Variants in TMPRSS9 observed in about 807,000 individuals in gnomAD.
TMPRSS9 encodes the protein transmembrane protease serine 9.
In TMPRSS9, 113 loss-of-function variants were observed where a neutral mutation model predicts 111.4. The ratio of observed to expected loss-of-function variants is 1.01; its 90% CI spans 0.87 to 1.19. The LOEUF (loss-of-function observed/expected upper bound fraction) is 1.19. Ranked by LOEUF, TMPRSS9 falls within the 50% of genes most tolerant of loss-of-function variation. The probability of loss-of-function intolerance (pLI) is 0.00; values close to 1 mark genes in which losing one functional copy is unlikely to be tolerated. For missense variants in TMPRSS9, 1,803 were observed against 1,513.1 expected (o/e 1.19, Z -3.18); for synonymous variants, 805 against 659.1 (o/e 1.22, Z -3.39).
chr19:2,396,680 G>A lies in TMPRSS9; in HGVS notation c.270+14G>A, dbSNP rs773021718. 3 of 1,597,106 alleles carry A rather than the reference G, an allele frequency of 1.9e-6. No homozygotes were observed. Among genetic ancestry groups the A allele is most frequent in the Non-Finnish European group, 2.6e-6 (3 of 1,168,310 alleles). On this transcript the variant is annotated intron_variant, in intron 2 of 17. Transcript: ENST00000648592. Reference sequence around the variant, plus strand: ...CTGGAGGCACTGGTGAGGGTGGTCTGTGTTTGGGGGCCAGGGAGGAAGAGC... The same window carrying A: ...CTGGAGGCACTGGTGAGGGTGGTCTATGTTTGGGGGCCAGGGAGGAAGAGC...
chr19:2,392,130 C>T (rs566933196), intron 1 of TMPRSS9, among the ~76,000 whole-genome samples: 2 of 152,148 alleles, frequency 1.3e-5, no homozygotes, highest in South Asian at 2.1e-4. Context: ...AGGAGGATTG[C>T]TTGAGCTCAG....
chr19:2,363,896 C>G (rs999217911), intron 1 of TMPRSS9, among the ~76,000 whole-genome samples: 3 of 151,454 alleles, frequency 2.0e-5, no homozygotes, highest in Non-Finnish European at 2.9e-5. Context: ...ATCTCCTCCT[C>G]TGTAAATGGG....
intron 10 of TMPRSS9, 83 bp from the exon 12 acceptor site, chr19:2,415,587 C>G: frequency 2.3e-6 from 3 of 1,300,252 alleles, no homozygotes; most frequent in Non-Finnish European, 3.1e-6. Flanking sequence ...CTGGCTGCAA[C>G]CGGTGTCCTG....
chr19:2,368,455 G>A (rs183650283), intron 1 of TMPRSS9, among the ~76,000 whole-genome samples: 3 of 152,292 alleles, frequency 2.0e-5, no homozygotes, highest in East Asian at 3.9e-4. Flanking sequence ...GGGGATCGGC[G>A]AGGAGGCCAG....
chr19:2,393,232 T>G (rs183633243), intron 1 of TMPRSS9, among the ~76,000 whole-genome samples: 1 of 152,272 alleles, frequency 6.6e-6, no homozygotes, highest in Non-Finnish European at 1.5e-5. Flanking sequence ...TGCTCACTCG[T>G]TGGGTGTGAG....
intron 14 of TMPRSS9, among the ~76,000 whole-genome samples, chr19:2,423,153 C>T (rs1821979142): frequency 6.6e-6 from 1 of 151,880 alleles, no homozygotes; most frequent in African/African-American, 2.4e-5. Context: ...TGGCAGCTGC[C>T]CTCATGTAGG....
intron 7 of TMPRSS9, among the ~76,000 whole-genome samples, chr19:2,407,413 GTTAC>G: frequency 6.6e-6 from 1 of 151,746 alleles, no homozygotes; most frequent in Admixed American, 6.6e-5. Flanking sequence ...TGTCATCCCA[GTTAC>G]TTGGGAGGCT....
At chr19:2,401,288 A>T (rs1225845302) in intron 4 of TMPRSS9, among the ~76,000 whole-genome samples, 2 of 151,528 alleles carry the variant, frequency 1.3e-5, no homozygotes, top group Non-Finnish European at 2.9e-5. Flanking sequence ...AAAAAAAGTC[A>T]CCTTGACCTT....
intron 7 of TMPRSS9, among the ~76,000 whole-genome samples, chr19:2,406,509 A>G (rs1484921219): frequency 7.2e-6 from 1 of 139,212 alleles, no homozygotes; most frequent in African/African-American, 2.7e-5. Flanking sequence ...TTTTTTTTGT[A>G]TAATTAGTAG....
intron 1 of TMPRSS9, 123 bp from the exon 3 acceptor site, chr19:2,396,416 C>CGGG: frequency 4.9e-6 from 6 of 1,223,610 alleles, no homozygotes; most frequent in Non-Finnish European, 6.6e-6. Flanking sequence ...GACCACCCCA[C>CGGG]TGCGTGTCAG....
chr19:2,384,629 C>G (rs563533409), intron 1 of TMPRSS9, among the ~76,000 whole-genome samples: 3 of 151,600 alleles, frequency 2.0e-5, no homozygotes, highest in East Asian at 2.0e-4. Flanking sequence ...TCCTGGCTAA[C>G]GTGGTGAAAC....
In TMPRSS9 at chr19:2,405,497, C is replaced by T. The variant is rs200206860; in HGVS notation, c.794C>T (p.Ala265Val). Residue 265 changes from alanine to valine, a missense_variant, in exon 7 of 18, where the codon GCC becomes GTC. Transcript: ENST00000648592. ...AACAAGGAGCACTTCTGTGGGGCCG[C>T]CATCATCAACGCCAGGTGGCTGGTG... The T allele has an allele frequency of 1.4e-4, 220 of 1,604,260 alleles. 2 individuals carry two copies. In the East Asian group the frequency reaches 3.6e-3, roughly 26 times the overall value.
intron 15 of TMPRSS9, 122 bp from the exon 17 acceptor site, chr19:2,424,880 G>A (rs972449308): frequency 4.8e-6 from 6 of 1,249,736 alleles, no homozygotes; most frequent in African/African-American, 1.6e-5. Context: ...CAGACCGACA[G>A]CCAGAGACCA....
At chr19:2,364,035 G>C (rs573884233) in intron 1 of TMPRSS9, among the ~76,000 whole-genome samples, 1 of 151,924 alleles carries the variant, frequency 6.6e-6, no homozygotes, top group Non-Finnish European at 1.5e-5. Flanking sequence ...TCAGCCTCCC[G>C]GTAGTCCTGT....
At chr19:2,385,372 C>T (rs1970458245), upstream of TMPRSS9, among the ~76,000 whole-genome samples, 1 of 152,160 alleles carries the variant, frequency 6.6e-6, no homozygotes, top group East Asian at 1.9e-4. Context: ...CAGTTTCTCG[C>T]GGAAAATGGG....
intron 1 of TMPRSS9, among the ~76,000 whole-genome samples, chr19:2,368,648 A>ATTTTG (rs1970265212): frequency 6.6e-6 from 1 of 152,032 alleles, no homozygotes; most frequent in Non-Finnish European, 1.5e-5. Context: ...AGCCTGGGCG[A>ATTTTG]TGCCCTGCTT....
rs371800974 is a variant in TMPRSS9 at position 2,365,621 on chromosome 19, CA to C, written c.-26+5269del. Among the ~76,000 whole-genome samples the C allele has an allele frequency of 3.0e-3, 393 of 131,066 alleles. 3 individuals are homozygous for C. The highest frequency in any genetic ancestry group is 0.011 in the African/African-American group (372 of 34,962). 86.0% of individuals were successfully genotyped at this position (131,066 alleles called of 152,430 possible). On this transcript the variant is annotated intron_variant, in intron 1 of 17. Coordinates refer to the TMPRSS9 transcript ENST00000649857. ...GTGAAGGAAAAAACAAACAAACAAA[CA>C]AAAAAAACAAAAAAACTACACAGAC...
At chr19:2,424,104 C>G (rs773806691) in exon 15 of TMPRSS9, 2 of 1,315,684 alleles carry the variant, frequency 1.5e-6, no homozygotes, top group Non-Finnish European at 1.9e-6. Context: ...GGCCTGGCGC[C>G]GGCCGCGCTC....
At chr19:2,414,779 A>G (rs1203591030) in intron 10 of TMPRSS9, among the ~76,000 whole-genome samples, 2 of 150,022 alleles carry the variant, frequency 1.3e-5, no homozygotes, top group Non-Finnish European at 3.0e-5. Flanking sequence ...AGGCAGGAGA[A>G]TCGCTTGAAC....
Sources: allele counts gnomAD v4.1 joint callset (sites outside exome capture counted in the v4.1 genomes callset), GRCh38; gene constraint gnomAD v4.1.1; transcripts MANE v1.5; gene names NCBI Gene and HGNC (gene_info 2026-07-23, HGNC 2026-07-21).